USP4: variants seen among roughly 807,000 people sequenced by gnomAD.
USP4 encodes ubiquitin carboxyl-terminal hydrolase 4.
A neutral mutation model predicts 118.2 loss-of-function variants in USP4; 72 were observed. The observed-to-expected ratio is 0.61, with a 90% CI of 0.50 to 0.74. The LOEUF (loss-of-function observed/expected upper bound fraction) is 0.74, where lower values mean the gene tolerates loss of function less well. Among genes scored for constraint, USP4 ranks in the 30% least tolerant of loss-of-function variants. The pLI is 0.00. For synonymous variants in USP4, 415 were observed against 440.4 expected, an observed-to-expected ratio of 0.94 and a Z score of 0.72; for missense variants, 1,037 against 1,185.7, an observed-to-expected ratio of 0.87 and a Z score of 1.84.
At chr3:49,303,336 G>A (rs1464056072) in intron 9 of USP4, among the ~76,000 whole-genome samples, 2 of 151,266 alleles carry the variant, frequency 1.3e-5, no homozygotes, top group African/African-American at 2.4e-5. Flanking sequence ...AGCTACGCAG[G>A]AGGCTGAGGC....
intron 6 of USP4, 75 bp from the exon 7 acceptor site, chr3:49,311,729 T>G: frequency 6.4e-7 from 1 of 1,555,636 alleles, no homozygotes; most frequent in Non-Finnish European, 8.7e-7. Context: ...TTAGGTTGCT[T>G]CTCAAGGAAT....
intron 14 of USP4, 110 bp downstream of exon 14, chr3:49,294,297 A>T: frequency 8.1e-7 from 1 of 1,228,426 alleles, no homozygotes; most frequent in Non-Finnish European, 1.1e-6. Flanking sequence ...TGCATTTCTT[A>T]CAGAGGTGAG....
chr3:49,286,186 T>C lies in USP4; in HGVS notation c.2112A>G (p.Lys704=). ...QKKIKGQPCP[K]RLFTFSLVNS... ...TCACAAGACTGAAGGTAAAAAGCCT[T>C]TTTGGGCAGGGCTGGCCTTTGATCT... The change falls in exon 16 of 22, where the codon AAA becomes AAG. Residue 704 remains lysine (K), a synonymous_variant. Coordinates refer to ENST00000265560, the MANE Select transcript of USP4 (RefSeq NM_003363.4). 1.2e-6 allele frequency: 2 copies of C among 1,614,130 alleles called. No homozygotes were observed. The highest frequency in any genetic ancestry group is 1.7e-6 in the Non-Finnish European group (2 of 1,180,020).
In USP4 at chr3:49,277,527, G is replaced by A. The variant is rs56306491; in HGVS notation, c.*766C>T. 0.071 allele frequency: 15,082 copies of A among 212,644 alleles called. 739 individuals carry two copies. The highest frequency in any genetic ancestry group is 0.096 in the Non-Finnish European group (9,770 of 101,478). The allele number at this position is 212,644 out of a possible 1,614,324, so 13.2% of individuals were successfully genotyped here. On this transcript the variant is annotated 3_prime_UTR_variant, in exon 22 of 22. Coordinates refer to ENST00000265560, the MANE Select transcript of USP4 (RefSeq NM_003363.4). The stretch of plus-strand genomic sequence containing the variant: ...AAGATTTCTGTTCTCAAGCCAACAT[G>A]GAAACAACTAGACGGGACACAGCAC...
chr3:49,316,976 A>C (rs2047443091), intron 6 of USP4: 1 of 670,638 alleles, frequency 1.5e-6, no homozygotes, highest in Non-Finnish European at 2.6e-6. Flanking sequence ...TTAGCACCTG[A>C]GACAGTGAAA....
Position 49,277,272 on chromosome 3 carries a change from G to A in USP4, c.*1021C>T, listed in dbSNP as rs749549452. ...CCAAACCCCCACGGATTAGGTTGAA[G>A]GTCAGACAAAAAATCCCGGACCCAT... On this transcript the variant is annotated 3_prime_UTR_variant, in exon 22 of 22. Transcript: ENST00000265560. The A allele has an allele frequency of 1.0e-5, 13 of 1,280,032 alleles. No individual in the cohort carries two copies. The highest frequency in any genetic ancestry group is 4.6e-5 in the African/African-American group (3 of 65,730). The allele number at this position is 1,280,032 out of a possible 1,614,324, so 79.3% of individuals were successfully genotyped here.
rs561914159 is a variant in USP4, at chr3:49,306,342, A to G, written c.955-454T>C. 3.3e-5 allele frequency among the ~76,000 whole-genome samples: 5 copies of G among 151,198 alleles called. No homozygotes were observed. The East Asian group carries it at 9.8e-4, about 30-fold the overall frequency. The stretch of plus-strand genomic sequence containing the variant: ...CTCGGCCTCCTGAGTAGCTGACATC[A>G]CAGGCACCGGCCACCACACCCAGCT... On this transcript the variant is annotated intron_variant, in intron 8 of 21. Coordinates refer to ENST00000265560, the MANE Select transcript of USP4 (RefSeq NM_003363.4).
intron 6 of USP4, among the ~76,000 whole-genome samples, chr3:49,315,910 C>G (rs1345828733): frequency 6.6e-6 from 1 of 152,106 alleles, no homozygotes; most frequent in Non-Finnish European, 1.5e-5. Context: ...TCTATCCTAT[C>G]CTTTAAGACT....
At chr3:49,291,452 G>A (rs573868596) in intron 15 of USP4, among the ~76,000 whole-genome samples, 1 of 151,506 alleles carries the variant, frequency 6.6e-6, no homozygotes, top group South Asian at 2.1e-4. Context: ...GCATGCGCCT[G>A]TAATCCCTGC....
At position 49,277,653 on chromosome 3, in the gene USP4, G is replaced by C. The variant is rs2107760099; in HGVS notation, c.*640C>G. The C allele has an allele frequency of 6.4e-6, 1 of 157,170 alleles. No individual in the cohort carries two copies. Among genetic ancestry groups the C allele is most frequent in the South Asian group, 1.9e-4 (1 of 5,154 alleles). The allele number at this position is 157,170 out of a possible 1,614,324, so 9.7% of individuals were successfully genotyped here. A position where few individuals can be genotyped will look rare whatever the true frequency, so the allele number is the denominator to read the frequency against. On this transcript the variant is annotated 3_prime_UTR_variant, in exon 22 of 22. Coordinates refer to ENST00000265560, the MANE Select transcript of USP4 (RefSeq NM_003363.4). ...GTATTTAACCGTCTTAATTCATCTA[G>C]GGTAGCAGGGGATATAACAGAACTG...
At chr3:49,279,396 T>C (rs1026501185) in intron 20 of USP4, among the ~76,000 whole-genome samples, 4 of 151,982 alleles carry the variant, frequency 2.6e-5, no homozygotes, top group Non-Finnish European at 4.4e-5. Flanking sequence ...ATTGGGTGTT[T>C]GGGTTTGCAG....
intron 10 of USP4, 140 bp downstream of exon 10, chr3:49,302,244 C>T: frequency 1.2e-6 from 1 of 853,830 alleles, no homozygotes; most frequent in Non-Finnish European, 1.7e-6. Context: ...TGACCAGAGA[C>T]CATATCCCTA....
At position 49,320,410 on chromosome 3, in the gene USP4, C is replaced by T. The variant is rs1264439963; in HGVS notation, c.695+4292G>A. On this transcript the variant is annotated intron_variant, in intron 6 of 21. Transcript: ENST00000265560. ...TGAGCCAAGATCGCGCCATTACACT[C>T]CAACCTGGGCAACAAGAGTGAAACT... Among the ~76,000 whole-genome samples the T allele has an allele frequency of 5.9e-5, 9 of 152,018 alleles. 1 individual carries two copies. The South Asian group carries it at 1.9e-3, about 32-fold the overall frequency.
intron 10 of USP4, among the ~76,000 whole-genome samples, chr3:49,301,538 A>T (rs934033409): frequency 5.3e-5 from 8 of 151,898 alleles, no homozygotes; most frequent in African/African-American, 1.9e-4. Context: ...AAATACAAAA[A>T]TTTGCTGGGC....
intron 15 of USP4, among the ~76,000 whole-genome samples, chr3:49,289,437 C>A (rs1221735589): frequency 6.6e-6 from 1 of 152,192 alleles, no homozygotes; most frequent in Non-Finnish European, 1.5e-5. Context: ...GCCTTAGCTT[C>A]CAGAGTACCA....
intron 11 of USP4, among the ~76,000 whole-genome samples, chr3:49,299,553 T>G (rs992924576): frequency 6.6e-6 from 1 of 151,028 alleles, no homozygotes; most frequent in Non-Finnish European, 1.5e-5. Flanking sequence ...CCACCATGCC[T>G]GGCTAATTTT....
intron 13 of USP4, among the ~76,000 whole-genome samples, chr3:49,295,466 G>A (rs559331566): frequency 7.9e-5 from 12 of 151,716 alleles, no homozygotes; most frequent in African/African-American, 2.2e-4. Flanking sequence ...TGAAAGAATC[G>A]TATCTAATTC....
chr3:49,339,803 G>T, intron 1 of USP4, 121 bp downstream of exon 1: 1 of 720,490 alleles, frequency 1.4e-6, no homozygotes, highest in Non-Finnish European at 2.3e-6. Context: ...CAGGTGTCAG[G>T]CTACTCTTCC....
At chr3:49,294,073 G>T (rs1182172994) in intron 14 of USP4, among the ~76,000 whole-genome samples, 2 of 151,492 alleles carry the variant, frequency 1.3e-5, no homozygotes, top group Non-Finnish European at 2.9e-5. Flanking sequence ...GCTCCCAGGA[G>T]AATCAAGAAT....
Sources: allele counts gnomAD v4.1 joint callset (sites outside exome capture counted in the v4.1 genomes callset), GRCh38; gene constraint gnomAD v4.1.1; transcripts MANE v1.5; gene names NCBI Gene and HGNC (gene_info 2026-07-23, HGNC 2026-07-21).